LRRIQ1: variants seen among roughly 807,000 people sequenced by gnomAD.
The protein encoded by LRRIQ1 is leucine-rich repeat- and IQ domain-containing protein 1.
Under a neutral mutation model 211.9 loss-of-function variants are expected in LRRIQ1, and 210 were observed. The observed-to-expected ratio is 0.99, with a 90% CI of 0.89 to 1.11. LRRIQ1 has a LOEUF of 1.11. LRRIQ1 is among the 50% of genes most tolerant of loss of function. LRRIQ1 has a pLI of 0.00. For missense variants in LRRIQ1, 2,136 were observed against 1,939.5 expected (o/e 1.10, Z -1.90); for synonymous variants, 699 against 650.1 (o/e 1.08, Z -1.14).
intron 24 of LRRIQ1, among the ~76,000 whole-genome samples, chr12:85,207,003 C>T (rs566325606): frequency 9.2e-5 from 14 of 152,204 alleles, no homozygotes; most frequent in Non-Finnish European, 1.5e-4. Flanking sequence ...GAGCTCCAAA[C>T]GGGCTAGAAT....
At position 85,081,804 on chromosome 12, in the gene LRRIQ1, A is replaced by T. The variant is rs565014776; in HGVS notation, c.2887+8706A>T. 5.5e-5 allele frequency among the ~76,000 whole-genome samples: 8 copies of T among 144,494 alleles called. 1 individual carries two copies. The East Asian group carries it at 1.7e-3, about 30-fold the overall frequency. 94.8% of individuals were successfully genotyped at this position (144,494 alleles called of 152,430 possible). A position where few individuals can be genotyped will look rare whatever the true frequency, so the allele number is the denominator to read the frequency against. ...AGTGGTGGGGTCTCAGCTCATTGCA[A>T]CCTGTGCCTCCCAGTTTCAGGCTAT... On this transcript the variant is annotated intron_variant, in intron 11 of 26. Transcript: ENST00000393217.
At chr12:85,142,701 G>A (rs1432942971) in intron 19 of LRRIQ1, among the ~76,000 whole-genome samples, 1 of 151,442 alleles carries the variant, frequency 6.6e-6, no homozygotes, top group East Asian at 1.9e-4. Context: ...TGGATTCCCT[G>A]TCTGAGTGAA....
chr12:85,143,036 G>T (rs1889651698), intron 19 of LRRIQ1, among the ~76,000 whole-genome samples: 1 of 151,522 alleles, frequency 6.6e-6, no homozygotes, highest in African/African-American at 2.4e-5. Flanking sequence ...CCTTCATAGT[G>T]CTTTTCATAA....
chr12:85,237,404 T>C (rs1383399620), intron 26 of LRRIQ1, among the ~76,000 whole-genome samples: 1 of 151,998 alleles, frequency 6.6e-6, no homozygotes, highest in Non-Finnish European at 1.5e-5. Context: ...TCAGAGTTGC[T>C]GAGATAAATG....
At chr12:85,084,321 A>G (rs1056458605) in intron 11 of LRRIQ1, among the ~76,000 whole-genome samples, 4 of 152,220 alleles carry the variant, frequency 2.6e-5, no homozygotes, top group African/African-American at 9.6e-5. Flanking sequence ...GACATAGCAT[A>G]TGAAAAAAGT....
chr12:85,155,252 T>C (rs2136688119), intron 23 of LRRIQ1, among the ~76,000 whole-genome samples: 1 of 151,712 alleles, frequency 6.6e-6, no homozygotes, highest in African/African-American at 2.4e-5. Context: ...TTTAAAACAT[T>C]AACATTTCAA....
intron 24 of LRRIQ1, among the ~76,000 whole-genome samples, chr12:85,165,877 T>A (rs1348678983): frequency 6.6e-6 from 1 of 152,190 alleles, no homozygotes; most frequent in East Asian, 1.9e-4. Flanking sequence ...AGGTCCCTGC[T>A]ATTGTGACTA....
At chr12:85,146,998 A>T (rs1388848624) in intron 19 of LRRIQ1, among the ~76,000 whole-genome samples, 1 of 151,752 alleles carries the variant, frequency 6.6e-6, no homozygotes, top group Non-Finnish European at 1.5e-5. Context: ...TTTTTGGGAG[A>T]GAGCCATGCT....
chr12:85,041,385 T>C (rs1878864569), intron 3 of LRRIQ1, among the ~76,000 whole-genome samples: 1 of 151,666 alleles, frequency 6.6e-6, no homozygotes, highest in African/African-American at 2.4e-5. Flanking sequence ...ATGCAATATT[T>C]CAATAGTGAT....
chr12:85,110,003 A>G (rs1887059352), intron 15 of LRRIQ1, among the ~76,000 whole-genome samples: 1 of 152,076 alleles, frequency 6.6e-6, no homozygotes, highest in Admixed American at 6.6e-5. Context: ...CAGTAGTAAA[A>G]TGAGGATGAT....
chr12:85,134,613 C>A (rs1042518920), intron 18 of LRRIQ1, among the ~76,000 whole-genome samples: 1 of 151,984 alleles, frequency 6.6e-6, no homozygotes, highest in African/African-American at 2.4e-5. Flanking sequence ...CATCAAGAAT[C>A]GTGGTTATAT....
At chr12:85,081,778 C>A (rs1358939349) in intron 11 of LRRIQ1, among the ~76,000 whole-genome samples, 1 of 129,968 alleles carries the variant, frequency 7.7e-6, no homozygotes, top group Non-Finnish European at 1.5e-5. Context: ...GGCTGGAGTG[C>A]AGTGGTGGGG....
chr12:85,073,162 G>T (rs1055783080), intron 11 of LRRIQ1, 64 bp downstream of exon 11: 1 of 1,211,298 alleles, frequency 8.3e-7, no homozygotes, highest in Non-Finnish European at 1.2e-6. Context: ...TATGGGGAGG[G>T]TTGGATCTAG....
At chr12:85,260,663 CATAA>C (rs1896259990) in intron 1 of LRRIQ1, among the ~76,000 whole-genome samples, 1 of 152,098 alleles carries the variant, frequency 6.6e-6, no homozygotes. Context: ...AATGTATTCT[CATAA>C]ATAAATATTC....
chr12:85,176,072 A>T (rs1459325954), intron 24 of LRRIQ1, among the ~76,000 whole-genome samples: 1 of 152,080 alleles, frequency 6.6e-6, no homozygotes, highest in East Asian at 1.9e-4. Context: ...TGGGGATGGC[A>T]TTGAATCTGT....
the LRRIQ1 span, among the ~76,000 whole-genome samples, chr12:85,272,639 C>T: frequency 6.6e-6 from 1 of 151,104 alleles, no homozygotes; most frequent in Admixed American, 6.6e-5. Context: ...TGGCAGGAAA[C>T]ATTTTAATTG....
intron 1 of LRRIQ1, among the ~76,000 whole-genome samples, chr12:85,262,385 A>G (rs1025745621): frequency 2.0e-5 from 3 of 152,104 alleles, no homozygotes; most frequent in Admixed American, 6.5e-5. Flanking sequence ...GTCCAGAGTC[A>G]CAAAGCTCTA....
At chr12:85,120,228 G>A (rs1038724607) in intron 15 of LRRIQ1, among the ~76,000 whole-genome samples, 1 of 152,102 alleles carries the variant, frequency 6.6e-6, no homozygotes, top group African/African-American at 2.4e-5. Context: ...GGTGTAGTCT[G>A]TCTAGCTTCA....
intron 1 of LRRIQ1, among the ~76,000 whole-genome samples, chr12:85,258,080 T>G (rs1896173904): frequency 6.6e-6 from 1 of 151,914 alleles, no homozygotes; most frequent in South Asian, 2.1e-4. Flanking sequence ...CAAAATGAGA[T>G]TCCCAACCCA....
Sources: allele counts gnomAD v4.1 joint callset (sites outside exome capture counted in the v4.1 genomes callset), GRCh38; gene constraint gnomAD v4.1.1; transcripts MANE v1.5; gene names NCBI Gene and HGNC (gene_info 2026-07-23, HGNC 2026-07-21).